The following CDH18 variants were observed in gnomAD, a reference collection of about 807,000 sequenced individuals.
CDH18 encodes the protein cadherin-18.
CDH18 carries 31 observed loss-of-function variants against 67.9 expected under a neutral mutation model. The observed-to-expected ratio is 0.46, with a 90% CI of 0.34 to 0.62. The LOEUF is 0.62. Ranked by LOEUF, CDH18 falls within the 20% of genes least tolerant of loss-of-function variation. The probability of loss-of-function intolerance (pLI) is 0.01; values close to 1 mark genes in which losing one functional copy is unlikely to be tolerated. For missense variants in CDH18, 890 were observed against 975.5 expected, an observed-to-expected ratio of 0.91 and a Z score of 1.17; for synonymous variants, 362 against 347.2, an observed-to-expected ratio of 1.04 and a Z score of -0.48.
chr5:20,227,174 T>C (rs976268039), intron 2 of CDH18, among the ~76,000 whole-genome samples: 5 of 152,118 alleles, frequency 3.3e-5, no homozygotes, highest in African/African-American at 7.2e-5. Flanking sequence ...TGAGATCATC[T>C]ACATTTTATT....
At chr5:19,478,929 C>A (rs1473158777) in intron 12 of CDH18, among the ~76,000 whole-genome samples, 1 of 152,148 alleles carries the variant, frequency 6.6e-6, no homozygotes, top group African/African-American at 2.4e-5. Flanking sequence ...AAAAAGGTAA[C>A]CTCAACAGAC....
intron 5 of CDH18, among the ~76,000 whole-genome samples, chr5:19,703,721 GC>G (rs988287848): frequency 6.9e-6 from 1 of 145,162 alleles, no homozygotes; most frequent in Non-Finnish European, 1.5e-5. Context: ...CACACCCCCT[GC>G]CCCCCCTGCC....
At chr5:20,490,428 T>G (rs1753520312) in intron 1 of CDH18, among the ~76,000 whole-genome samples, 1 of 152,144 alleles carries the variant, frequency 6.6e-6, no homozygotes, top group African/African-American at 2.4e-5. Flanking sequence ...CCTTATTAAT[T>G]ATCTTTAATA....
intron 1 of CDH18, among the ~76,000 whole-genome samples, chr5:19,987,884 A>G (rs1217748378): frequency 6.6e-6 from 1 of 152,202 alleles, no homozygotes. Context: ...GCATTCCTGC[A>G]TAAGAAAATT....
intron 2 of CDH18, among the ~76,000 whole-genome samples, chr5:19,954,104 C>G (rs6887676): frequency 0.12 from 18,873 of 151,970 alleles, 3,350 homozygotes; most frequent in African/African-American, 0.4. Context: ...TCTGTACTTA[C>G]TAAATATCCT....
chr5:19,797,826 C>G (rs1385788982), intron 3 of CDH18, among the ~76,000 whole-genome samples: 3 of 151,958 alleles, frequency 2.0e-5, no homozygotes, highest in African/African-American at 7.2e-5. Context: ...ATAGGCAAGC[C>G]TATTCTAAAA....
chr5:20,031,048 C>A (rs909442271), intron 2 of CDH18, among the ~76,000 whole-genome samples: 4 of 152,086 alleles, frequency 2.6e-5, no homozygotes, highest in South Asian at 4.1e-4. Flanking sequence ...CTGAGATTTA[C>A]AGAAGCTCAA....
intron 2 of CDH18, among the ~76,000 whole-genome samples, chr5:19,921,518 G>A (rs1279543105): frequency 1.5e-4 from 22 of 144,830 alleles, no homozygotes; most frequent in Non-Finnish European, 2.4e-4. Flanking sequence ...GCAACATAGC[G>A]AGACTCCGTC....
chr5:19,923,405 T>C (rs1457725393), intron 2 of CDH18, among the ~76,000 whole-genome samples: 1 of 152,212 alleles, frequency 6.6e-6, no homozygotes, highest in Non-Finnish European at 1.5e-5. Context: ...AGTTGTTGCT[T>C]GATACCGGTA....
chr5:20,033,272 T>C (rs1182367519), intron 2 of CDH18, among the ~76,000 whole-genome samples: 1 of 151,998 alleles, frequency 6.6e-6, no homozygotes, highest in African/African-American at 2.4e-5. Context: ...ATAACCTCTT[T>C]TTCATCTCAA....
chr5:19,792,230 A>T lies in CDH18; in HGVS notation c.229-44994T>A, dbSNP rs796159621. Among the ~76,000 whole-genome samples, 10 of 152,222 alleles carry T rather than the reference A, an allele frequency of 6.6e-5. 1 individual carries two copies. The highest frequency in any genetic ancestry group is 2.2e-4 in the African/African-American group (9 of 41,550). ...TCTCATCTTTTGAGGGTCTAGATAG[A>T]ACAATGAAAGCAAAGGAAGGGTGAA... is the stretch of plus-strand genomic sequence containing the variant. On this transcript the variant is annotated intron_variant, in intron 3 of 12. Transcript: ENST00000382275.
chr5:19,594,674 T>C (rs922837784), intron 6 of CDH18, among the ~76,000 whole-genome samples: 2 of 152,188 alleles, frequency 1.3e-5, no homozygotes, highest in African/African-American at 4.8e-5. Flanking sequence ...TTTTTCAACA[T>C]TGTTTTGCTT....
chr5:19,646,905 TGGA>T (rs1056122977), intron 5 of CDH18, among the ~76,000 whole-genome samples: 2 of 152,128 alleles, frequency 1.3e-5, no homozygotes, highest in Non-Finnish European at 2.9e-5. Context: ...GAGGATAAGG[TGGA>T]GAAGGAAACT....
chr5:19,573,696 CA>C, intron 7 of CDH18, among the ~76,000 whole-genome samples: 1 of 152,254 alleles, frequency 6.6e-6, no homozygotes, highest in South Asian at 2.1e-4. Flanking sequence ...TAAGCCCCAT[CA>C]AAATTTAAAT....
chr5:20,269,247 T>C (rs899375994), intron 1 of CDH18, among the ~76,000 whole-genome samples: 1 of 152,074 alleles, frequency 6.6e-6, no homozygotes, highest in Non-Finnish European at 1.5e-5. Flanking sequence ...GGTGAAAATG[T>C]GGAGAAAAGG....
chr5:19,574,241 G>A (rs925075226), intron 7 of CDH18, among the ~76,000 whole-genome samples: 1 of 152,024 alleles, frequency 6.6e-6, no homozygotes, highest in South Asian at 2.1e-4. Flanking sequence ...CTACTGCTAC[G>A]GTGCAGGCTG....
intron 1 of CDH18, among the ~76,000 whole-genome samples, chr5:20,281,201 C>T (rs976339219): frequency 6.6e-6 from 1 of 152,034 alleles, no homozygotes; most frequent in African/African-American, 2.4e-5. Flanking sequence ...TGCAGAAGCT[C>T]TTTAGTTTAA....
At chr5:20,567,280 T>A (rs956950078) in intron 1 of CDH18, among the ~76,000 whole-genome samples, 1 of 152,208 alleles carries the variant, frequency 6.6e-6, no homozygotes. Flanking sequence ...TAGATTCAAA[T>A]AAATGCTTTT....
intron 8 of CDH18, among the ~76,000 whole-genome samples, chr5:19,567,620 G>A (rs968350329): frequency 6.6e-6 from 1 of 152,108 alleles, no homozygotes; most frequent in Admixed American, 6.5e-5. Flanking sequence ...AGAGGCCCAT[G>A]TGAATGACAC....
Sources: allele counts gnomAD v4.1 joint callset (sites outside exome capture counted in the v4.1 genomes callset), GRCh38; gene constraint gnomAD v4.1.1; transcripts MANE v1.5; gene names NCBI Gene and HGNC (gene_info 2026-07-23, HGNC 2026-07-21).